SRSF10: variants seen among roughly 807,000 people sequenced by gnomAD.
SRSF10 encodes the protein serine/arginine-rich splicing factor 10.
SRSF10 carries 9 observed loss-of-function variants against 32.6 expected under a neutral mutation model. That is an observed-to-expected ratio of 0.28 (90% CI 0.17 to 0.48). The LOEUF (loss-of-function observed/expected upper bound fraction) is 0.48, where lower values mean the gene tolerates loss of function less well. Among genes scored for constraint, SRSF10 ranks in the 20% least tolerant of loss-of-function variants. SRSF10 has a pLI of 0.99. For synonymous variants in SRSF10, 105 were observed against 112.4 expected, an observed-to-expected ratio of 0.93 and a Z score of 0.42; for missense variants, 201 against 331.8, an observed-to-expected ratio of 0.61 and a Z score of 3.06.
At chr1:23,977,748 TAA>T (rs1220496842) in intron 2 of SRSF10, 1 of 295,488 alleles carries the variant, frequency 3.4e-6, no homozygotes, top group Non-Finnish European at 5.0e-6. Flanking sequence ...TTTAACTTCA[TAA>T]GAGAGAGTGC....
Position 23,968,075 on chromosome 1 carries a change from A to C in SRSF10, c.*3067T>G, listed in dbSNP as rs1421419071. 6.7e-7 allele frequency: 1 copy of C among 1,491,972 alleles called. No individual in the cohort carries two copies. The highest frequency in any genetic ancestry group is 1.4e-5 in the African/African-American group (1 of 71,176). The allele number at this position is 1,491,972 out of a possible 1,614,324, so 92.4% of individuals were successfully genotyped here. ...TTTATCATTGAGCCCAGTCATACAC[A>C]GTAGGTAAACTCAGTAAGTGGGGGA... On this transcript the variant is annotated 3_prime_UTR_variant, in exon 6 of 6. Coordinates refer to ENST00000492112, the MANE Select transcript of SRSF10 (RefSeq NM_054016.4).
chr1:23,970,173 A>G lies in SRSF10; in HGVS notation c.*969T>C. 1.0e-6 allele frequency: 1 copy of G among 985,356 alleles called. No homozygotes were observed. Among genetic ancestry groups the G allele is most frequent in the South Asian group, 4.7e-5 (1 of 21,276 alleles). The allele number at this position is 985,356 out of a possible 1,614,324, so 61.0% of individuals were successfully genotyped here. On this transcript the variant is annotated 3_prime_UTR_variant, in exon 6 of 6. Transcript: ENST00000492112. ...ATTTTTGCCATCAACGACCTGCTCA[A>G]ATTTTAAGGTGAGTTTTTGTGTTTT...
At position 23,970,005 on chromosome 1, in the gene SRSF10, T is replaced by G. The variant is rs1641649296; in HGVS notation, c.*1137A>C. On this transcript the variant is annotated 3_prime_UTR_variant, in exon 6 of 6. Transcript: ENST00000492112. ...GTAAGCATCAAAATTTCAGTTCTTT[T>G]ACACTAGGCACACACACACAAAACC... 2 of 985,316 alleles carry G rather than the reference T, an allele frequency of 2.0e-6. No individual in the cohort carries two copies. Among genetic ancestry groups the G allele is most frequent in the African/African-American group, 3.5e-5 (2 of 57,242 alleles). 61.0% of individuals were successfully genotyped at this position (985,316 alleles called of 1,614,324 possible).
chr1:23,972,671 A>C (rs1641839555), intron 3 of SRSF10, among the ~76,000 whole-genome samples: 1 of 151,072 alleles, frequency 6.6e-6, no homozygotes, highest in Non-Finnish European at 1.5e-5. Context: ...CGAATTCCTG[A>C]CCTCAAATAA....
intron 1 of SRSF10, among the ~76,000 whole-genome samples, chr1:23,979,867 T>C (rs1468755413): frequency 1.6e-4 from 23 of 141,300 alleles, no homozygotes; most frequent in African/African-American, 4.5e-4. Context: ...TTCAAATCAA[T>C]GGGGGGCGGC....
chr1:23,974,848 A>G, intron 3 of SRSF10, 126 bp downstream of exon 3: 1 of 745,526 alleles, frequency 1.3e-6, no homozygotes, highest in Non-Finnish European at 2.3e-6. Flanking sequence ...AAAAAAAGAA[A>G]GAAAGAAAGA....
chr1:23,980,040 C>G, intron 1 of SRSF10, 151 bp downstream of exon 1: 2 of 823,694 alleles, frequency 2.4e-6, no homozygotes, highest in African/African-American at 1.8e-5. Context: ...GGCTGAGGCC[C>G]GCTGCGCGGC....
At chr1:23,973,361 T>G (rs974158667) in intron 3 of SRSF10, among the ~76,000 whole-genome samples, 10 of 152,172 alleles carry the variant, frequency 6.6e-5, no homozygotes, top group African/African-American at 2.4e-4. Flanking sequence ...AGATTGGGTC[T>G]TGCTGCTACC....
intron 3 of SRSF10, among the ~76,000 whole-genome samples, chr1:23,973,922 C>A (rs948101864): frequency 1.4e-4 from 21 of 151,862 alleles, no homozygotes; most frequent in Non-Finnish European, 2.9e-4. Context: ...GAATCTATTA[C>A]CCAACTCAAG....
rs945963224 is a variant in SRSF10 at position 23,972,017 on chromosome 1, G to A, written c.275-5C>T. ...TGGCTTTCATCTGATTTGGTGCTAG[G>A]AAATACAAAGAACAGAAATATTTAA... On this transcript the variant is annotated splice_polypyrimidine_tract_variant and splice_region_variant and intron_variant, in intron 3 of 5. Coordinates refer to ENST00000492112, the MANE Select transcript of SRSF10 (RefSeq NM_054016.4). 2.0e-6 allele frequency: 3 copies of A among 1,470,396 alleles called. No homozygotes were observed. The highest frequency in any genetic ancestry group is 2.7e-6 in the Non-Finnish European group (3 of 1,114,572). The allele number at this position is 1,470,396 out of a possible 1,614,324, so 91.1% of individuals were successfully genotyped here.
Position 23,971,276 on chromosome 1 carries a change from A to G in SRSF10, c.655T>C (p.Ser219Pro). Residue 219 changes from serine to proline, a missense_variant, in exon 6 of 6, where the codon TCT becomes CCT. By Grantham distance (74) the Ser-to-Pro change is moderately conservative. Transcript: ENST00000492112. Reference protein sequence around the residue: ...SKTDSKTHYKSGSRYEKESRK... With the variant: ...SKTDSKTHYKPGSRYEKESRK... ...GATTCCTTTTCATATCTTGAGCCAG[A>G]CTTATAATGTGTTTTGGAATCTGTT... 1 of 1,613,878 alleles carries G rather than the reference A, an allele frequency of 6.2e-7. No homozygotes were observed. The highest frequency in any genetic ancestry group is 1.1e-5 in the South Asian group (1 of 91,062).
chr1:23,975,172 A>G (rs1471351419), intron 2 of SRSF10, 95 bp from the exon 3 acceptor site: 23 of 998,730 alleles, frequency 2.3e-5, no homozygotes, highest in Admixed American at 3.6e-5. Flanking sequence ...ATCTCCCAAT[A>G]TTATTCCAGA....
intron 3 of SRSF10, among the ~76,000 whole-genome samples, chr1:23,973,178 G>A (rs1641878161): frequency 6.6e-6 from 1 of 152,210 alleles, no homozygotes; most frequent in Non-Finnish European, 1.5e-5. Flanking sequence ...TCAAGAAAGT[G>A]TATTAGAAGA....
intron 2 of SRSF10, 50 bp from the exon 3 acceptor site, chr1:23,975,127 T>A (rs993801761): frequency 6.5e-5 from 92 of 1,423,950 alleles, no homozygotes; most frequent in Non-Finnish European, 8.6e-5. Flanking sequence ...TGATAATGAA[T>A]GAAAGTTCAG....
chr1:23,980,239 C>T lies in SRSF10; in HGVS notation c.17G>A (p.Arg6His). The change falls in exon 1 of 6, where the codon CGT becomes CAT. Residue 6 changes from arginine (R) to histidine (H), a missense_variant. By Grantham distance (29) the Arg-to-His change is conservative (BLOSUM62 0). This residue lies in a region of SRSF10 where 41 missense variants were observed against 109.5 expected (regional missense o/e 0.37). Transcript: ENST00000492112. The part of the protein sequence containing the change: MSRYL[R>H]PPNTSLFVRN... ...GACGAACAGAGACGTGTTGGGGGGA[C>T]GCAGGTAGCGGGACATGGCGGCGGC... 1 of 1,512,778 alleles carries T rather than the reference C, an allele frequency of 6.6e-7. No individual in the cohort carries two copies. The highest frequency in any genetic ancestry group is 8.9e-7 in the Non-Finnish European group (1 of 1,128,328). The allele number at this position is 1,512,778 out of a possible 1,614,324, so 93.7% of individuals were successfully genotyped here.
Position 23,968,251 on chromosome 1 carries a change from A to G in SRSF10, c.*2891T>C, listed in dbSNP as rs988504880. 5.3e-5 allele frequency among the ~76,000 whole-genome samples: 8 copies of G among 152,194 alleles called. No homozygotes were observed. Among genetic ancestry groups the G allele is most frequent in the Admixed American group, 1.3e-4 (2 of 15,278 alleles). ...TTTAGGAACAACATATAAGATTCTC[A>G]ATAGTCCAAGTCTAAAAATAAGTTG... On this transcript the variant is annotated 3_prime_UTR_variant, in exon 6 of 6. Coordinates refer to ENST00000492112, the MANE Select transcript of SRSF10 (RefSeq NM_054016.4).
intron 2 of SRSF10, chr1:23,975,402 A>G (rs1642027024): frequency 4.3e-6 from 1 of 230,104 alleles, no homozygotes; most frequent in South Asian, 1.5e-4. Context: ...AGTTTACAAG[A>G]CAAAAAAGAA....
At chr1:23,972,431 CT>C (rs202083801) in intron 3 of SRSF10, among the ~76,000 whole-genome samples, 2 of 148,160 alleles carry the variant, frequency 1.3e-5, no homozygotes, top group African/African-American at 2.5e-5. Context: ...GTTTTGGTGT[CT>C]TTTTTTTTTA....
At chr1:23,977,862 A>G in intron 2 of SRSF10, 2 of 923,968 alleles carry the variant, frequency 2.2e-6, no homozygotes, top group Non-Finnish European at 2.5e-6. Context: ...TTAACTGCTT[A>G]CAAAACATTA....
Sources: gnomAD v4.1 joint callset for allele counts (sites outside exome capture counted in the v4.1 genomes callset) on GRCh38, gnomAD v4.1.1 for gene constraint, gnomAD v4.1.1 regional missense constraint, MANE v1.5 for transcripts, NCBI Gene and HGNC (gene_info 2026-07-23, HGNC 2026-07-21) for gene names.